Variants in NRG3 observed in about 807,000 individuals in gnomAD.
NRG3 encodes pro-neuregulin-3, membrane-bound isoform.
Under a neutral mutation model 66.9 loss-of-function variants are expected in NRG3, and 31 were observed. The ratio of observed to expected loss-of-function variants is 0.46; its 90% CI spans 0.35 to 0.63. NRG3 has a LOEUF of 0.63. Ranked by LOEUF, NRG3 falls within the 20% of genes least tolerant of loss-of-function variation. The pLI, the probability that NRG3 is intolerant of heterozygous loss-of-function variation, is 0.00. For synonymous variants in NRG3, 393 were observed against 359.4 expected, an observed-to-expected ratio of 1.09 and a Z score of -1.06; for missense variants, 910 against 878.9, an observed-to-expected ratio of 1.04 and a Z score of -0.45.
At position 82,368,893 on chromosome 10, in the gene NRG3, C is replaced by T. The variant is rs2084707425; in HGVS notation, c.953+10025C>T. Among the ~76,000 whole-genome samples, 2 of 138,216 alleles carry T rather than the reference C, an allele frequency of 1.4e-5. 1 individual carries two copies. Among genetic ancestry groups the T allele is most frequent in the Non-Finnish European group, 3.0e-5 (2 of 67,542 alleles). 90.7% of individuals were successfully genotyped at this position (138,216 alleles called of 152,430 possible). On this transcript the variant is annotated intron_variant, in intron 2 of 8. Coordinates refer to ENST00000372141, the MANE Select transcript of NRG3 (RefSeq NM_001010848.4). The stretch of plus-strand genomic sequence containing the variant: ...TCTTGGGTAAATATTTCAATAAAAC[C>T]TTCTCAAAACAGGATAAAGATGGCT...
chr10:82,678,606 C>G (rs1461422683), intron 2 of NRG3, among the ~76,000 whole-genome samples: 1 of 152,138 alleles, frequency 6.6e-6, no homozygotes, highest in Non-Finnish European at 1.5e-5. Context: ...TGGCTTAAAC[C>G]AATTGTTATT....
intron 1 of NRG3, among the ~76,000 whole-genome samples, chr10:82,319,389 G>A (rs1033356942): frequency 6.6e-6 from 1 of 152,224 alleles, no homozygotes; most frequent in South Asian, 2.1e-4. Context: ...TGAGGCTGTT[G>A]TATGCATAAT....
intron 1 of NRG3, among the ~76,000 whole-genome samples, chr10:82,241,075 C>A (rs1017224511): frequency 1.3e-5 from 2 of 152,050 alleles, no homozygotes; most frequent in African/African-American, 4.8e-5. Context: ...CCTGCTGATT[C>A]TCTGAGCTAG....
At chr10:82,654,854 A>G (rs539962218) in intron 2 of NRG3, among the ~76,000 whole-genome samples, 1 of 152,238 alleles carries the variant, frequency 6.6e-6, no homozygotes, top group Non-Finnish European at 1.5e-5. Flanking sequence ...TCTTCAGGTA[A>G]CATAGAAGTT....
chr10:82,206,632 G>T (rs1176005290), intron 1 of NRG3, among the ~76,000 whole-genome samples: 1 of 152,058 alleles, frequency 6.6e-6, no homozygotes, highest in African/African-American at 2.4e-5. Context: ...TTTCCCTTTG[G>T]GCTGGCTGTA....
At chr10:82,875,711 C>A (rs1243396094) in intron 4 of NRG3, among the ~76,000 whole-genome samples, 1 of 152,146 alleles carries the variant, frequency 6.6e-6, no homozygotes, top group Non-Finnish European at 1.5e-5. Context: ...ACATGGGCTT[C>A]AGTACATGCG....
At chr10:82,677,657 C>T (rs1458888532) in intron 2 of NRG3, among the ~76,000 whole-genome samples, 1 of 152,074 alleles carries the variant, frequency 6.6e-6, no homozygotes, top group Non-Finnish European at 1.5e-5. Flanking sequence ...TGCAATACTA[C>T]CTCAATTCTT....
chr10:82,303,815 C>T (rs1055408738), intron 1 of NRG3, among the ~76,000 whole-genome samples: 6 of 151,902 alleles, frequency 3.9e-5, no homozygotes, highest in African/African-American at 1.5e-4. Context: ...TGCAGTGAGC[C>T]AAGATCACAC....
intron 1 of NRG3, among the ~76,000 whole-genome samples, chr10:82,235,785 G>A (rs1359133816): frequency 2.6e-5 from 4 of 152,118 alleles, no homozygotes; most frequent in Non-Finnish European, 5.9e-5. Flanking sequence ...TACTAGTTGG[G>A]ATTCTGCCTC....
At chr10:81,896,556 T>C (rs1239313478) in intron 1 of NRG3, among the ~76,000 whole-genome samples, 1 of 152,198 alleles carries the variant, frequency 6.6e-6, no homozygotes, top group Non-Finnish European at 1.5e-5. Flanking sequence ...AAAATTCATC[T>C]TACTGACTTT....
intron 3 of NRG3, among the ~76,000 whole-genome samples, chr10:82,774,456 GT>G (rs1298096865): frequency 1.3e-5 from 2 of 151,944 alleles, no homozygotes; most frequent in Non-Finnish European, 2.9e-5. Context: ...TGTATTATTG[GT>G]TTGTTTAAGC....
chr10:82,410,971 A>T (rs929402658), intron 2 of NRG3, among the ~76,000 whole-genome samples: 9 of 152,176 alleles, frequency 5.9e-5, no homozygotes, highest in Non-Finnish European at 1.3e-4. Flanking sequence ...ATACAAAGGT[A>T]ACTATTGCAA....
intron 1 of NRG3, among the ~76,000 whole-genome samples, chr10:81,878,440 C>G (rs1026403667): frequency 6.6e-6 from 1 of 152,070 alleles, no homozygotes; most frequent in Admixed American, 6.6e-5. Context: ...TTTAAATAGG[C>G]AAGTTGTATG....
chr10:82,939,581 T>C (rs1028624342), intron 4 of NRG3, among the ~76,000 whole-genome samples: 2 of 151,880 alleles, frequency 1.3e-5, no homozygotes, highest in Non-Finnish European at 2.9e-5. Context: ...GCCTTTCTCC[T>C]GCCTCAGCCT....
intron 1 of NRG3, among the ~76,000 whole-genome samples, chr10:82,241,022 G>A (rs2076986726): frequency 6.6e-6 from 1 of 152,096 alleles, no homozygotes; most frequent in Non-Finnish European, 1.5e-5. Context: ...GTACACACAT[G>A]TTGGAGATGA....
At chr10:81,960,316 C>T (rs1304663792) in intron 1 of NRG3, among the ~76,000 whole-genome samples, 1 of 152,078 alleles carries the variant, frequency 6.6e-6, no homozygotes, top group African/African-American at 2.4e-5. Flanking sequence ...ATGGCTATTT[C>T]TTTATCCAAT....
At chr10:82,293,793 A>C (rs2134642855) in intron 1 of NRG3, among the ~76,000 whole-genome samples, 1 of 152,296 alleles carries the variant, frequency 6.6e-6, no homozygotes, top group African/African-American at 2.4e-5. Context: ...TACCTGCTTC[A>C]GCCTCTTAAT....
intron 1 of NRG3, among the ~76,000 whole-genome samples, chr10:81,897,111 G>C (rs1051518880): frequency 6.6e-6 from 1 of 152,042 alleles, no homozygotes; most frequent in Non-Finnish European, 1.5e-5. Flanking sequence ...GAAACAGAAG[G>C]GTATCAGAAA....
chr10:82,854,221 G>A (rs2063700922), intron 3 of NRG3, among the ~76,000 whole-genome samples: 1 of 152,182 alleles, frequency 6.6e-6, no homozygotes, highest in Non-Finnish European at 1.5e-5. Context: ...TCATAGAAAA[G>A]TAGAGCAGGT....
Sources: allele counts gnomAD v4.1 joint callset (sites outside exome capture counted in the v4.1 genomes callset), GRCh38; gene constraint gnomAD v4.1.1; transcripts MANE v1.5; gene names NCBI Gene and HGNC (gene_info 2026-07-23, HGNC 2026-07-21).